Variants in PTPA observed in about 807,000 individuals in gnomAD.
PTPA encodes serine/threonine-protein phosphatase 2A activator.
A neutral mutation model predicts 43.6 loss-of-function variants in PTPA; 13 were observed. The observed-to-expected ratio is 0.30, with a 90% CI of 0.19 to 0.47. The LOEUF (loss-of-function observed/expected upper bound fraction) is 0.47. Among genes scored for constraint, PTPA ranks in the 20% least tolerant of loss-of-function variants. The pLI is 0.99. For synonymous variants in PTPA, 172 were observed against 158.2 expected (o/e 1.09, Z -0.66); for missense variants, 329 against 411.9 (o/e 0.80, Z 1.74).
intron 9 of PTPA, among the ~76,000 whole-genome samples, chr9:129,144,002 C>G (rs2131629500): frequency 6.6e-6 from 1 of 151,716 alleles, no homozygotes; most frequent in African/African-American, 2.4e-5. Flanking sequence ...AGAGAGGACT[C>G]TGGCTGCCTT....
intron 9 of PTPA, among the ~76,000 whole-genome samples, chr9:129,145,089 G>A (rs1255663763): frequency 6.6e-6 from 1 of 151,816 alleles, no homozygotes; most frequent in Non-Finnish European, 1.5e-5. Context: ...CCAGCACTTT[G>A]GGAGGCCAAG....
At chr9:129,136,773 G>A (rs1221346269) in intron 7 of PTPA, among the ~76,000 whole-genome samples, 178 bp downstream of exon 7, 2 of 152,256 alleles carry the variant, frequency 1.3e-5, no homozygotes, top group Non-Finnish European at 2.9e-5. Context: ...TCGACCTTCT[G>A]CTGTGAGAGC....
chr9:129,126,041 C>G (rs10988218), intron 3 of PTPA, among the ~76,000 whole-genome samples: 106,136 of 151,614 alleles, frequency 0.7, 37,234 homozygotes, highest in African/African-American at 0.71. Flanking sequence ...CCAGCTACTT[C>G]GGAGGTGGAG....
chr9:129,132,969 C>T (rs1409109636), intron 5 of PTPA, among the ~76,000 whole-genome samples: 1 of 152,154 alleles, frequency 6.6e-6, no homozygotes. Context: ...GAGGTGTTCT[C>T]TAGGTCAGGG....
At chr9:129,142,248 C>T (rs568921541) in intron 8 of PTPA, 197 bp from the exon 9 acceptor site, 1 of 470,626 alleles carries the variant, frequency 2.1e-6, no homozygotes, top group Middle Eastern at 5.5e-4. Flanking sequence ...GTCTCTGGCA[C>T]TTGCATGTGC....
chr9:129,143,531 A>C, intron 9 of PTPA: 5 of 685,384 alleles, frequency 7.3e-6, no homozygotes, highest in Non-Finnish European at 1.3e-5. Flanking sequence ...ACAACGGGGA[A>C]GGGTGCCAGA....
upstream of PTPA, chr9:129,111,360 T>G: frequency 1.7e-6 from 2 of 1,170,208 alleles, no homozygotes; most frequent in Non-Finnish European, 1.1e-6. Flanking sequence ...GTCGCCCGGT[T>G]CCGCGCGTCC....
At chr9:129,136,695 C>A in intron 7 of PTPA, 100 bp downstream of exon 7, 2 of 1,363,980 alleles carry the variant, frequency 1.5e-6, no homozygotes, top group Non-Finnish European at 2.0e-6. Flanking sequence ...CTTCTTCCTG[C>A]CCAGGGCAGA....
intron 2 of PTPA, among the ~76,000 whole-genome samples, chr9:129,120,986 G>T (rs1486265531): frequency 6.6e-6 from 1 of 152,202 alleles, no homozygotes; most frequent in African/African-American, 2.4e-5. Context: ...CTCAAGGGGA[G>T]AAGAGGCTAT....
At chr9:129,134,281 A>G (rs1486431206) in intron 5 of PTPA, among the ~76,000 whole-genome samples, 1 of 134,430 alleles carries the variant, frequency 7.4e-6, no homozygotes, top group African/African-American at 2.8e-5. Context: ...GAGTGGAATT[A>G]TAGTACTGGT....
chr9:129,133,721 C>T (rs1296503829), intron 5 of PTPA, among the ~76,000 whole-genome samples: 1 of 152,192 alleles, frequency 6.6e-6, no homozygotes, highest in East Asian at 1.9e-4. Context: ...CCCTATTGCT[C>T]TTAGGGTAAA....
intron 6 of PTPA, 148 bp from the exon 7 acceptor site, chr9:129,136,322 TG>T: frequency 1.1e-6 from 1 of 946,262 alleles, no homozygotes; most frequent in Non-Finnish European, 1.5e-6. Context: ...GAGTGTTTGT[TG>T]GGGGAAATAA....
intron 8 of PTPA, 198 bp downstream of exon 8, chr9:129,137,890 GTTCTCCTTCAGT>G (rs1850486311): frequency 1.6e-6 from 1 of 617,284 alleles, no homozygotes; most frequent in Non-Finnish European, 3.0e-6. Flanking sequence ...CCTCCGCCCA[GTTCTCCTTCAGT>G]TTCTCCTGAA....
At chr9:129,112,644 A>C (rs962477239) in intron 1 of PTPA, among the ~76,000 whole-genome samples, 4 of 152,220 alleles carry the variant, frequency 2.6e-5, no homozygotes, top group Non-Finnish European at 5.9e-5. Flanking sequence ...GTGTGCCCTT[A>C]GAACAAGGAT....
At chr9:129,120,439 A>T in intron 1 of PTPA, 74 bp from the exon 2 acceptor site, 114 of 928,302 alleles carry the variant, frequency 1.2e-4, no homozygotes, top group Middle Eastern at 3.2e-4. Context: ...AAAAAAAAAA[A>T]GGTGAAAGGG....
intron 5 of PTPA, among the ~76,000 whole-genome samples, chr9:129,133,880 C>T (rs1036551219): frequency 1.3e-5 from 2 of 152,266 alleles, no homozygotes; most frequent in Non-Finnish European, 2.9e-5. Flanking sequence ...AAGGCCTGTG[C>T]ACATGCTATT....
chr9:129,122,749 G>A (rs975687165), intron 2 of PTPA, among the ~76,000 whole-genome samples: 6 of 152,212 alleles, frequency 3.9e-5, no homozygotes, highest in African/African-American at 1.4e-4. Flanking sequence ...GTAAGATGGC[G>A]CCAGCAGTGT....
At chr9:129,135,056 T>C (rs1850269027) in intron 6 of PTPA, among the ~76,000 whole-genome samples, 162 bp downstream of exon 6, 1 of 152,192 alleles carries the variant, frequency 6.6e-6, no homozygotes, top group African/African-American at 2.4e-5. Context: ...CCAAGCCTTT[T>C]TTCCAACAGG....
upstream of PTPA, chr9:129,111,405 A>T (rs545763840): frequency 4.9e-5 from 60 of 1,232,994 alleles, no homozygotes; most frequent in Middle Eastern, 2.7e-4. Context: ...TTGCTCCCTG[A>T]GCGCCCCGCA....
Sources: gnomAD v4.1 joint callset for allele counts (sites outside exome capture counted in the v4.1 genomes callset) on GRCh38, gnomAD v4.1.1 for gene constraint, MANE v1.5 for transcripts, NCBI Gene and HGNC (gene_info 2026-07-23, HGNC 2026-07-21) for gene names.